CD96: variants seen among roughly 807,000 people sequenced by gnomAD.
CD96 encodes the protein CD96 molecule.
CD96 carries 70 observed loss-of-function variants against 71.3 expected under a neutral mutation model. The observed-to-expected ratio is 0.98, with a 90% CI of 0.81 to 1.20. CD96 has a LOEUF of 1.20. CD96 is among the 50% of genes most tolerant of loss of function. CD96 has a pLI of 0.00. For synonymous variants in CD96, 248 were observed against 233.0 expected (o/e 1.06, Z -0.59); for missense variants, 742 against 677.5 (o/e 1.10, Z -1.06).
intron 5 of CD96, among the ~76,000 whole-genome samples, chr3:111,597,335 C>G (rs970666876): frequency 6.6e-6 from 1 of 152,182 alleles, no homozygotes; most frequent in Non-Finnish European, 1.5e-5. Flanking sequence ...AAAGAACAAA[C>G]ATAGCATTGA....
chr3:111,611,796 G>A (rs930623131), intron 8 of CD96, among the ~76,000 whole-genome samples: 3 of 152,192 alleles, frequency 2.0e-5, no homozygotes, highest in Non-Finnish European at 4.4e-5. Context: ...CAGGACATGA[G>A]AAGACAAGCA....
At chr3:111,593,657 T>G in intron 5 of CD96, 2 of 1,609,572 alleles carry the variant, frequency 1.2e-6, no homozygotes, top group Non-Finnish European at 1.7e-6. Flanking sequence ...TTCCACCTCC[T>G]CCAGGGCTCG....
chr3:111,546,707 A>G (rs1277226178), intron 2 of CD96, among the ~76,000 whole-genome samples: 1 of 152,140 alleles, frequency 6.6e-6, no homozygotes, highest in Non-Finnish European at 1.5e-5. Context: ...CGTGAAGGTC[A>G]TATTAAAGGG....
At chr3:111,581,082 G>A (rs1199318615) in intron 4 of CD96, among the ~76,000 whole-genome samples, 6 of 152,008 alleles carry the variant, frequency 3.9e-5, no homozygotes, top group African/African-American at 9.7e-5. Flanking sequence ...ATGTTTTTCA[G>A]CCTTCTATAT....
chr3:111,556,206 CTT>C (rs58058802), intron 2 of CD96, among the ~76,000 whole-genome samples: 27 of 151,072 alleles, frequency 1.8e-4, no homozygotes, highest in African/African-American at 6.1e-4. Flanking sequence ...ATAACAACTT[CTT>C]TTTTTTTTAT....
In CD96 at chr3:111,598,146, T is replaced by G. The variant is rs1400982375; in HGVS notation, c.834T>G (p.Asn278Lys). The change falls in exon 6 of 14, where the codon AAT becomes AAG. Residue 278 changes from asparagine to lysine, a missense_variant. By Grantham distance (94) the Asn-to-Lys change is moderately conservative. Transcript: ENST00000352690. ...VERRFTCLLK[N>K]VFPKANITWF... The stretch of plus-strand genomic sequence containing the variant: ...GAAGATTTACCTGCTTACTAAAGAA[T>G]GTATTTCCCAAAGCAAATATCACAT... 6.7e-7 allele frequency: 1 copy of G among 1,492,312 alleles called. No homozygotes were observed. The highest frequency in any genetic ancestry group is 2.3e-5 in the East Asian group (1 of 44,162). The allele number at this position is 1,492,312 out of a possible 1,614,324, so 92.4% of individuals were successfully genotyped here.
At chr3:111,660,017 T>C (rs1274472474) in intron 14 of CD96, among the ~76,000 whole-genome samples, 1 of 152,202 alleles carries the variant, frequency 6.6e-6, no homozygotes, top group Non-Finnish European at 1.5e-5. Context: ...GTGCTGGAAG[T>C]CCTAGCCAGA....
chr3:111,650,117 T>C lies in CD96; in HGVS notation c.*311T>C. 8.3e-6 allele frequency: 3 copies of C among 360,730 alleles called. No individual in the cohort carries two copies. The highest frequency in any genetic ancestry group is 7.2e-5 in the South Asian group (3 of 41,444). The allele number at this position is 360,730 out of a possible 1,614,324, so 22.3% of individuals were successfully genotyped here. A position where few individuals can be genotyped will look rare whatever the true frequency, so the allele number is the denominator to read the frequency against. Reference sequence around the variant, plus strand: ...ATACAGTATTTTCATTTAAATTCTCTGATGGAGGGACAACAATGGTTTCAA... The same window carrying C: ...ATACAGTATTTTCATTTAAATTCTCCGATGGAGGGACAACAATGGTTTCAA... On this transcript the variant is annotated 3_prime_UTR_variant, in exon 14 of 14. Coordinates refer to ENST00000352690, the MANE Select transcript of CD96 (RefSeq NM_005816.5).
intron 3 of CD96, among the ~76,000 whole-genome samples, chr3:111,569,187 C>A (rs1041337925): frequency 1.3e-5 from 2 of 152,064 alleles, no homozygotes; most frequent in Non-Finnish European, 2.9e-5. Context: ...GTGCCAAACC[C>A]AAAATAATTG....
chr3:111,603,903 T>C (rs1334845062), intron 7 of CD96, among the ~76,000 whole-genome samples: 1 of 152,242 alleles, frequency 6.6e-6, no homozygotes, highest in Non-Finnish European at 1.5e-5. Flanking sequence ...GCAGCTGGCC[T>C]CATACCCTTG....
chr3:111,554,180 CCTT>C (rs1016916120), intron 2 of CD96, among the ~76,000 whole-genome samples: 6 of 151,766 alleles, frequency 4.0e-5, no homozygotes, highest in African/African-American at 1.5e-4. Context: ...ATCTCTAATG[CCTT>C]CTTCTATATT....
chr3:111,567,779 G>A, intron 3 of CD96, 132 bp downstream of exon 3: 1 of 828,484 alleles, frequency 1.2e-6, no homozygotes, highest in Middle Eastern at 2.6e-4. Context: ...GTGGGAAGAG[G>A]GGTAGGGAAG....
chr3:111,614,960 C>T (rs573003783), intron 8 of CD96, among the ~76,000 whole-genome samples: 26 of 152,218 alleles, frequency 1.7e-4, no homozygotes, highest in Non-Finnish European at 3.4e-4. Context: ...AGCCAGTCTG[C>T]TCCCACCCCG....
At chr3:111,572,692 T>C (rs889844027) in intron 3 of CD96, among the ~76,000 whole-genome samples, 1 of 152,200 alleles carries the variant, frequency 6.6e-6, no homozygotes, top group Non-Finnish European at 1.5e-5. Flanking sequence ...CATGAAACCC[T>C]GGAAACAATT....
intron 5 of CD96, among the ~76,000 whole-genome samples, chr3:111,587,330 G>T (rs938432931): frequency 3.3e-5 from 5 of 151,808 alleles, no homozygotes; most frequent in South Asian, 2.1e-4. Flanking sequence ...GCTGTTGGTG[G>T]ATCTACCATT....
chr3:111,605,312 G>A (rs1040387948), intron 7 of CD96, among the ~76,000 whole-genome samples: 1 of 152,154 alleles, frequency 6.6e-6, no homozygotes, highest in Admixed American at 6.5e-5. Flanking sequence ...GGAAAGTTTG[G>A]GGTCAGGAAA....
intron 6 of CD96, 71 bp downstream of exon 6, chr3:111,598,281 A>G (rs185250041): frequency 2.6e-6 from 2 of 779,082 alleles, no homozygotes; most frequent in Non-Finnish European, 4.7e-6. Context: ...AGAAATTGTC[A>G]TTGCCCAAGT....
intron 12 of CD96, among the ~76,000 whole-genome samples, chr3:111,639,193 C>G (rs1281160901): frequency 6.6e-6 from 1 of 152,168 alleles, no homozygotes; most frequent in Non-Finnish European, 1.5e-5. Flanking sequence ...ACCCAGGAGA[C>G]ACCCCAAATA....
At chr3:111,645,872 C>T (rs1030090516) in intron 12 of CD96, among the ~76,000 whole-genome samples, 2 of 152,122 alleles carry the variant, frequency 1.3e-5, no homozygotes, top group African/African-American at 4.8e-5. Flanking sequence ...GTCTTCAACA[C>T]TTCTAACCAA....
Sources: gnomAD v4.1 joint callset for allele counts (sites outside exome capture counted in the v4.1 genomes callset) on GRCh38, gnomAD v4.1.1 for gene constraint, MANE v1.5 for transcripts, NCBI Gene and HGNC (gene_info 2026-07-23, HGNC 2026-07-21) for gene names.